The following NFIB variants were observed in gnomAD, a reference collection of about 807,000 sequenced individuals.
NFIB encodes the protein nuclear factor I B, also known as nuclear factor 1 B-type.
A neutral mutation model predicts 61.5 loss-of-function variants in NFIB; 11 were observed. That is an observed-to-expected ratio of 0.18 (90% CI 0.11 to 0.30). The LOEUF (loss-of-function observed/expected upper bound fraction) is 0.30, where lower values mean the gene tolerates loss of function less well. NFIB is among the 10% of genes least tolerant of loss of function. The pLI, the probability that NFIB is intolerant of heterozygous loss-of-function variation, is 1.00. For missense variants in NFIB, 471 were observed against 608.9 expected, an observed-to-expected ratio of 0.77 and a Z score of 2.38; for synonymous variants, 260 against 216.5, an observed-to-expected ratio of 1.20 and a Z score of -1.76.
chr9:14,093,002 A>G (rs1382279519), intron 10 of NFIB, among the ~76,000 whole-genome samples: 1 of 151,994 alleles, frequency 6.6e-6, no homozygotes, highest in African/African-American at 2.4e-5. Flanking sequence ...AAAATTATGC[A>G]TTATGGGAGT....
At chr9:14,231,135 AATATATATATATATAT>A in intron 2 of NFIB, among the ~76,000 whole-genome samples, 1 of 35,352 alleles carries the variant, frequency 2.8e-5, no homozygotes, top group East Asian at 8.5e-4. Context: ...AAAAAAAAAA[AATATATATATATATAT>A]ATATATATAT....
chr9:14,139,794 T>G (rs1422472609), intron 6 of NFIB, among the ~76,000 whole-genome samples: 1 of 152,172 alleles, frequency 6.6e-6, no homozygotes, highest in African/African-American at 2.4e-5. Context: ...ACCAACAATT[T>G]ATTGTTTTCC....
the NFIB span, among the ~76,000 whole-genome samples, chr9:14,444,583 G>C: frequency 1.3e-5 from 2 of 152,248 alleles, no homozygotes; most frequent in South Asian, 2.1e-4. Flanking sequence ...TTCATGATTA[G>C]ATGTTGAAAG....
rs1168245629 is a variant in NFIB at position 14,146,766 on chromosome 9, G to T, written c.848C>A (p.Pro283Gln). 6.2e-7 allele frequency: 1 copy of T among 1,605,064 alleles called. No individual in the cohort carries two copies. ...KTISIDENME[P>Q]SPTGDFYPSP... ...GGGGTAAAAGTCTCCTGTAGGACTTGGTTCCATATTTTCATCTATGGATAT... is the reference window on the plus strand; with the variant it reads ...GGGGTAAAAGTCTCCTGTAGGACTTTGTTCCATATTTTCATCTATGGATAT... Residue 283 changes from proline to glutamine, a missense_variant, in exon 6 of 11, where the codon CCA becomes CAA. Pro to Gln is a moderately conservative substitution (Grantham distance 76, BLOSUM62 -1). Coordinates refer to ENST00000380953, the MANE Select transcript of NFIB (RefSeq NM_001190737.2).
chr9:14,229,850 C>G (rs927457361), intron 2 of NFIB, among the ~76,000 whole-genome samples: 1 of 152,170 alleles, frequency 6.6e-6, no homozygotes, highest in Non-Finnish European at 1.5e-5. Flanking sequence ...TAAAGAAAAG[C>G]AGATGCAATG....
At chr9:14,399,607 C>T (rs2061722633), upstream of NFIB, among the ~76,000 whole-genome samples, 1 of 152,078 alleles carries the variant, frequency 6.6e-6, no homozygotes, top group African/African-American at 2.4e-5. Flanking sequence ...TGTCTCCCTG[C>T]CCCCAGAAGA....
the NFIB span, among the ~76,000 whole-genome samples, chr9:14,430,291 G>C: frequency 6.6e-6 from 1 of 151,766 alleles, no homozygotes; most frequent in East Asian, 1.9e-4. Context: ...CCAACACGAG[G>C]GACAGAAAAT....
intron 2 of NFIB, among the ~76,000 whole-genome samples, chr9:14,268,458 C>T (rs557460440): frequency 6.6e-6 from 1 of 152,238 alleles, no homozygotes; most frequent in East Asian, 1.9e-4. Context: ...GGTTCATGAC[C>T]CCCAACTACC....
At chr9:14,287,447 G>C (rs1230502772) in intron 2 of NFIB, among the ~76,000 whole-genome samples, 1 of 151,732 alleles carries the variant, frequency 6.6e-6, no homozygotes, top group Non-Finnish European at 1.5e-5. Context: ...AATTGAGACG[G>C]AGTTCTGCTC....
the NFIB span, among the ~76,000 whole-genome samples, chr9:14,488,131 A>C: frequency 2.0e-5 from 3 of 152,104 alleles, no homozygotes. Flanking sequence ...TAATCCCCGC[A>C]CTTGGGAGGA....
intron 2 of NFIB, among the ~76,000 whole-genome samples, chr9:14,261,882 G>A (rs565097392): frequency 2.5e-4 from 38 of 152,266 alleles, no homozygotes; most frequent in Non-Finnish European, 4.4e-4. Context: ...ATTCTTTGGT[G>A]CATCCGAACT....
chr9:14,294,045 G>A (rs904002331), intron 2 of NFIB, among the ~76,000 whole-genome samples: 1 of 150,012 alleles, frequency 6.7e-6, no homozygotes, highest in Non-Finnish European at 1.5e-5. Flanking sequence ...CCATGCACAT[G>A]TTTTATATTA....
At chr9:14,202,009 T>C (rs986439232) in intron 2 of NFIB, among the ~76,000 whole-genome samples, 10 of 152,192 alleles carry the variant, frequency 6.6e-5, no homozygotes, top group Non-Finnish European at 1.5e-4. Flanking sequence ...GAGCTTATGG[T>C]TTCATTTGCA....
In NFIB at chr9:14,086,679, G is replaced by A. The variant is rs373762895; in HGVS notation, c.*1630C>T. On this transcript the variant is annotated 3_prime_UTR_variant, in exon 11 of 11. Transcript: ENST00000380953. Reference sequence around the variant, plus strand: ...TCCATGATGTCACACATTTTTCTTCGTCTGGAGTACAAAATATTTTGTCAT... The same window carrying A: ...TCCATGATGTCACACATTTTTCTTCATCTGGAGTACAAAATATTTTGTCAT... The A allele has an allele frequency of 3.3e-5, 7 of 214,130 alleles. No homozygotes were observed. Among genetic ancestry groups the A allele is most frequent in the East Asian group, 6.9e-5 (1 of 14,408 alleles). The allele number at this position is 214,130 out of a possible 1,614,324, so 13.3% of individuals were successfully genotyped here. A position where few individuals can be genotyped will look rare whatever the true frequency, so the allele number is the denominator to read the frequency against.
intron 3 of NFIB, among the ~76,000 whole-genome samples, chr9:14,163,855 T>C (rs964262817): frequency 1.3e-5 from 2 of 151,916 alleles, no homozygotes; most frequent in Admixed American, 1.3e-4. Context: ...TTTAAGGCCA[T>C]ACTGTCTCAT....
chr9:14,253,141 C>T (rs2132152865), intron 2 of NFIB, among the ~76,000 whole-genome samples: 1 of 152,324 alleles, frequency 6.6e-6, no homozygotes, highest in African/African-American at 2.4e-5. Context: ...CAATCAAAAT[C>T]AGGTGCTACA....
intron 1 of NFIB, among the ~76,000 whole-genome samples, chr9:14,331,685 G>C (rs1050919199): frequency 6.6e-6 from 1 of 152,136 alleles, no homozygotes; most frequent in Non-Finnish European, 1.5e-5. Flanking sequence ...TTGACTTTTT[G>C]GGTTCAAATC....
At chr9:14,398,580 G>A (rs1171829134) in exon 1 of NFIB, 3 of 1,535,240 alleles carry the variant, frequency 2.0e-6, no homozygotes, top group Non-Finnish European at 2.6e-6. Flanking sequence ...TTACATTTCA[G>A]AACTGCACAG....
rs2060404114 is a variant in NFIB at position 14,313,774 on chromosome 9, T to C, written c.-263A>G. The C allele has an allele frequency of 7.4e-7, 1 of 1,343,584 alleles. No homozygotes were observed. Among genetic ancestry groups the C allele is most frequent in the Non-Finnish European group, 9.5e-7 (1 of 1,047,730 alleles). The allele number at this position is 1,343,584 out of a possible 1,614,324, so 83.2% of individuals were successfully genotyped here. On this transcript the variant is annotated 5_prime_UTR_variant, in exon 1 of 11. Coordinates refer to ENST00000380953, the MANE Select transcript of NFIB (RefSeq NM_001190737.2). This position sits in a 1 kb window ranked among gnomAD's most constrained non-coding sequence, Gnocchi z 4.5. ...TCTTGCAGTCCGAGCGCGCTGGCCG[T>C]GCTTGCCGAGGCCGCCGCCGCCGCC...
Sources: allele counts gnomAD v4.1 joint callset (sites outside exome capture counted in the v4.1 genomes callset), GRCh38; gene constraint gnomAD v4.1.1; non-coding constraint Gnocchi (gnomAD v3.1); transcripts MANE v1.5; gene names NCBI Gene and HGNC (gene_info 2026-07-23, HGNC 2026-07-21).